CPNE7: variants seen among roughly 807,000 people sequenced by gnomAD.
The protein encoded by CPNE7 is copine-7.
In CPNE7, 78 loss-of-function variants were observed where a neutral mutation model predicts 66.5. The observed-to-expected ratio is 1.17, with a 90% CI of 0.98 to 1.42. The LOEUF (loss-of-function observed/expected upper bound fraction) is 1.42, where lower values mean the gene tolerates loss of function less well. Ranked by LOEUF, CPNE7 falls within the 40% of genes most tolerant of loss-of-function variation. The pLI is 0.00. For synonymous variants in CPNE7, 468 were observed against 336.7 expected (o/e 1.39, Z -4.27); for missense variants, 1,012 against 776.6 (o/e 1.30, Z -3.60).
intron 14 of CPNE7, 134 bp downstream of exon 14, chr16:89,595,737 T>A: frequency 1.2e-6 from 1 of 829,594 alleles, no homozygotes; most frequent in Non-Finnish European, 2.1e-6. Flanking sequence ...GATCCTGGGC[T>A]GTTCCCCCCA....
intron 9 of CPNE7, among the ~76,000 whole-genome samples, chr16:89,588,278 T>A (rs945546665): frequency 2.0e-5 from 3 of 152,210 alleles, no homozygotes; most frequent in Non-Finnish European, 4.4e-5. Context: ...TCGTGTTTTG[T>A]TGAACGAGCC....
intron 7 of CPNE7, among the ~76,000 whole-genome samples, 159 bp from the exon 8 acceptor site, chr16:89,586,511 C>A (rs1369031022): frequency 6.6e-6 from 1 of 151,708 alleles, no homozygotes; most frequent in East Asian, 2.0e-4. Flanking sequence ...CCCGTATGAC[C>A]CACTCTGCCC....
At chr16:89,593,031 C>G (rs889120782) in intron 13 of CPNE7, among the ~76,000 whole-genome samples, 2 of 151,364 alleles carry the variant, frequency 1.3e-5, no homozygotes, top group African/African-American at 2.4e-5. Context: ...AGGCTGGTCT[C>G]AAACTCCTGA....
rs796980467 is a variant in CPNE7, at chr16:89,588,175, C to T, written c.928-500C>T. Among the ~76,000 whole-genome samples the T allele has an allele frequency of 4.9e-5, 6 of 123,576 alleles. 1 individual carries two copies. Among genetic ancestry groups the T allele is most frequent in the South Asian group, 5.7e-4 (2 of 3,496 alleles). The allele number at this position is 123,576 out of a possible 152,430, so 81.1% of individuals were successfully genotyped here. A position where few individuals can be genotyped will look rare whatever the true frequency, so the allele number is the denominator to read the frequency against. On this transcript the variant is annotated intron_variant, in intron 9 of 14. Coordinates refer to ENST00000319518, the MANE Select transcript of CPNE7 (RefSeq NM_153636.3). ...CACGGCCCCCGTGTCACCCGCGTGT[C>T]ACCCACAGATACACGGCCCCCGTGT...
chr16:89,582,239 C>T (rs1411573987), intron 2 of CPNE7, among the ~76,000 whole-genome samples: 1 of 152,248 alleles, frequency 6.6e-6, no homozygotes, highest in African/African-American at 2.4e-5. Context: ...TGACCTCTGA[C>T]CCCTGACTTC....
intron 9 of CPNE7, among the ~76,000 whole-genome samples, chr16:89,588,287 C>T (rs112568410): frequency 1.3e-5 from 2 of 152,240 alleles, no homozygotes; most frequent in Non-Finnish European, 1.5e-5. Context: ...GTTGAACGAG[C>T]CCCAGAATGG....
intron 11 of CPNE7, among the ~76,000 whole-genome samples, chr16:89,590,394 A>T (rs948744044): frequency 6.6e-6 from 1 of 152,038 alleles, no homozygotes; most frequent in African/African-American, 2.4e-5. Context: ...GCGTGGTGGC[A>T]CATGCTTGTA....
At chr16:89,583,906 G>A (rs1375927725) in intron 3 of CPNE7, 122 bp from the exon 4 acceptor site, 1 of 1,439,504 alleles carries the variant, frequency 6.9e-7, no homozygotes, top group African/African-American at 1.4e-5. Context: ...AGCCCCGGGG[G>A]TACACAGACA....
chr16:89,590,050 G>C, intron 11 of CPNE7, 99 bp downstream of exon 11: 1 of 1,359,666 alleles, frequency 7.4e-7, no homozygotes, highest in East Asian at 2.4e-5. Flanking sequence ...TGCCTGCTGG[G>C]AACCGGAGAC....
At chr16:89,596,012 G>T in intron 14 of CPNE7, 1 of 480,480 alleles carries the variant, frequency 2.1e-6, no homozygotes, top group Admixed American at 2.5e-5. Flanking sequence ...GTTCTACCAG[G>T]CAAGACACAC....
chr16:89,595,621 G>T lies in CPNE7; in HGVS notation c.1539+18G>T. On this transcript the variant is annotated intron_variant, in intron 14 of 14. Coordinates refer to ENST00000319518, the MANE Select transcript of CPNE7 (RefSeq NM_153636.3). ...TCAAGAACGTGAGTGTCCTGGAGGG[G>T]CTCCGTCAAGGCCGGCTTGGGGGTC... 6.3e-7 allele frequency: 1 copy of T among 1,585,832 alleles called. No individual in the cohort carries two copies. Among genetic ancestry groups the T allele is most frequent in the South Asian group, 1.1e-5 (1 of 89,148 alleles).
intron 8 of CPNE7, 133 bp from the exon 9 acceptor site, chr16:89,586,910 G>A (rs752660573): frequency 1.4e-5 from 15 of 1,094,154 alleles, no homozygotes; most frequent in Non-Finnish European, 1.8e-5. Context: ...GTTGGGGAGA[G>A]AGGATGGGGG....
intron 2 of CPNE7, among the ~76,000 whole-genome samples, chr16:89,579,583 C>A (rs2058915732): frequency 6.6e-6 from 1 of 151,182 alleles, no homozygotes; most frequent in Non-Finnish European, 1.5e-5. Flanking sequence ...CACATCTCAC[C>A]CGTCACACAG....
chr16:89,584,729 C>T lies in CPNE7; in HGVS notation c.508-45C>T, dbSNP rs148404104. The stretch of plus-strand genomic sequence containing the variant: ...ACAAAGCCAGCTCCCATCCAAAGCC[C>T]GATCTCACAGTGCCTGGCCCAGCAG... On this transcript the variant is annotated intron_variant, in intron 4 of 14. Transcript: ENST00000319518. The surrounding 1 kb of genome is among the most constrained non-coding windows in gnomAD (Gnocchi z 6.0). 1,239 of 1,469,908 alleles carry T rather than the reference C, an allele frequency of 8.4e-4. 11 individuals carry two copies. In the African/African-American group the frequency reaches 0.015, roughly 18 times the overall value. The allele number at this position is 1,469,908 out of a possible 1,614,324, so 91.1% of individuals were successfully genotyped here. A position where few individuals can be genotyped will look rare whatever the true frequency, so the allele number is the denominator to read the frequency against.
Position 89,584,521 on chromosome 16 carries a change from C to T in CPNE7, c.508-253C>T, listed in dbSNP as rs1041686956. Among the ~76,000 whole-genome samples the T allele has an allele frequency of 6.7e-6, 1 of 150,264 alleles. No homozygotes were observed. Among genetic ancestry groups the T allele is most frequent in the African/African-American group, 2.4e-5 (1 of 41,028 alleles). ...GGGCTGAGTCGCAGGGTGTGTAGGG[C>T]AAGTCCGTGGAGGGCTGAGTCGCAG... On this transcript the variant is annotated intron_variant, in intron 4 of 14. Coordinates refer to ENST00000319518, the MANE Select transcript of CPNE7 (RefSeq NM_153636.3). The surrounding 1 kb of genome is among the most constrained non-coding windows in gnomAD (Gnocchi z 6.0).
intron 10 of CPNE7, among the ~76,000 whole-genome samples, 170 bp from the exon 11 acceptor site, chr16:89,589,727 C>T (rs560566604): frequency 2.0e-5 from 3 of 152,270 alleles, no homozygotes; most frequent in East Asian, 1.9e-4. Context: ...CAGGCCTGTG[C>T]CTCTGCTGCC....
chr16:89,589,698 G>C (rs2059140162), intron 10 of CPNE7, among the ~76,000 whole-genome samples, 199 bp from the exon 11 acceptor site: 1 of 152,168 alleles, frequency 6.6e-6, no homozygotes, highest in Non-Finnish European at 1.5e-5. Context: ...CGGGCGGCAG[G>C]ACCGTGTCCC....
intron 2 of CPNE7, among the ~76,000 whole-genome samples, chr16:89,579,796 C>T (rs1399254162): frequency 1.3e-4 from 15 of 115,728 alleles, no homozygotes; most frequent in Non-Finnish European, 2.1e-4. Flanking sequence ...CCCGCTGACA[C>T]GGAACATCTC....
rs1009307925 is a variant in CPNE7 at position 89,584,684 on chromosome 16, G to A, written c.508-90G>A. ...CTGAGGAATTAGCGGCTGGTGGCAT[G>A]AAGTGAGCCCTGGGAAACGACAAAG... On this transcript the variant is annotated intron_variant, in intron 4 of 14. Coordinates refer to ENST00000319518, the MANE Select transcript of CPNE7 (RefSeq NM_153636.3). The surrounding 1 kb of genome is among the most constrained non-coding windows in gnomAD (Gnocchi z 6.0). 7 of 931,350 alleles carry A rather than the reference G, an allele frequency of 7.5e-6. No homozygotes were observed. In the African/African-American group the frequency reaches 8.1e-5, roughly 11 times the overall value. The allele number at this position is 931,350 out of a possible 1,614,324, so 57.7% of individuals were successfully genotyped here. A position where few individuals can be genotyped will look rare whatever the true frequency, so the allele number is the denominator to read the frequency against.
Sources: allele counts gnomAD v4.1 joint callset (sites outside exome capture counted in the v4.1 genomes callset), GRCh38; gene constraint gnomAD v4.1.1; non-coding constraint Gnocchi (gnomAD v3.1); transcripts MANE v1.5; gene names NCBI Gene and HGNC (gene_info 2026-07-23, HGNC 2026-07-21).